Variants in DLG2 observed in about 807,000 individuals in gnomAD.
DLG2 encodes the protein disks large homolog 2.
In DLG2, 45 loss-of-function variants were observed where a neutral mutation model predicts 132.5. The observed-to-expected ratio is 0.34, with a 90% CI of 0.27 to 0.44. The LOEUF (loss-of-function observed/expected upper bound fraction) is 0.44, where lower values mean the gene tolerates loss of function less well. Among genes scored for constraint, DLG2 ranks in the 20% least tolerant of loss-of-function variants. DLG2 has a pLI of 1.00. For missense variants in DLG2, 1,045 were observed against 1,196.9 expected, an observed-to-expected ratio of 0.87 and a Z score of 1.87; for synonymous variants, 424 against 419.6, an observed-to-expected ratio of 1.01 and a Z score of -0.13.
intron 7 of DLG2, among the ~76,000 whole-genome samples, chr11:84,463,843 A>G (rs1481633156): frequency 6.6e-6 from 1 of 151,192 alleles, no homozygotes; most frequent in Non-Finnish European, 1.5e-5. Flanking sequence ...TAAGAGGCAT[A>G]CAATACCAGA....
At chr11:85,334,690 C>T (rs2082007037) in intron 3 of DLG2, among the ~76,000 whole-genome samples, 1 of 152,124 alleles carries the variant, frequency 6.6e-6, no homozygotes, top group African/African-American at 2.4e-5. Flanking sequence ...TACCCAATAA[C>T]AATTCTGGAG....
chr11:84,060,576 T>C (rs2096576336), intron 10 of DLG2, among the ~76,000 whole-genome samples: 1 of 151,744 alleles, frequency 6.6e-6, no homozygotes, highest in Non-Finnish European at 1.5e-5. Context: ...AAAGGAATAA[T>C]TTGACATTTC....
chr11:84,634,880 A>C (rs2099637977), intron 6 of DLG2, among the ~76,000 whole-genome samples: 1 of 152,224 alleles, frequency 6.6e-6, no homozygotes, highest in South Asian at 2.1e-4. Flanking sequence ...CTTTTAAAAA[A>C]GTAGCACTGG....
intron 6 of DLG2, among the ~76,000 whole-genome samples, chr11:84,797,518 T>C (rs754586510): frequency 6.6e-6 from 1 of 152,218 alleles, no homozygotes; most frequent in African/African-American, 2.4e-5. Flanking sequence ...GATGCTGTGA[T>C]GCATTCTTTA....
At chr11:85,516,833 C>A (rs1402650329) in intron 3 of DLG2, among the ~76,000 whole-genome samples, 2 of 151,938 alleles carry the variant, frequency 1.3e-5, no homozygotes, top group African/African-American at 4.8e-5. Context: ...CAGCTGAATT[C>A]CACCAAAAGT....
At chr11:83,530,006 C>T (rs755892184) in intron 21 of DLG2, among the ~76,000 whole-genome samples, 32 of 152,010 alleles carry the variant, frequency 2.1e-4, no homozygotes, top group South Asian at 4.1e-4. Context: ...ACTTTGTGTC[C>T]TTCTAAAGTT....
chr11:85,036,828 C>G (rs778425829), intron 6 of DLG2, among the ~76,000 whole-genome samples: 1 of 152,092 alleles, frequency 6.6e-6, no homozygotes, highest in Non-Finnish European at 1.5e-5. Flanking sequence ...GATCAGCAAT[C>G]TATTAAAAGG....
At chr11:83,594,101 G>A (rs1289117337) in intron 19 of DLG2, among the ~76,000 whole-genome samples, 1 of 152,216 alleles carries the variant, frequency 6.6e-6, no homozygotes, top group Non-Finnish European at 1.5e-5. Flanking sequence ...GCCAAATACT[G>A]ATCTGTTCCC....
chr11:84,961,098 C>T (rs1031183308), intron 6 of DLG2, among the ~76,000 whole-genome samples: 8 of 151,814 alleles, frequency 5.3e-5, no homozygotes, highest in South Asian at 2.1e-4. Flanking sequence ...AGTAGGCTCA[C>T]GCTCCATGCT....
At chr11:85,120,241 A>C (rs1363972248) in intron 5 of DLG2, among the ~76,000 whole-genome samples, 3 of 152,094 alleles carry the variant, frequency 2.0e-5, no homozygotes. Flanking sequence ...AATGTTAATC[A>C]ACAAGAAAAT....
intron 2 of DLG2, among the ~76,000 whole-genome samples, chr11:85,605,998 G>A (rs1177548712): frequency 6.6e-6 from 1 of 151,994 alleles, no homozygotes; most frequent in African/African-American, 2.4e-5. Flanking sequence ...AAAAAGAATG[G>A]TATCATAAGG....
At chr11:83,553,990 G>A (rs1454535004) in intron 19 of DLG2, among the ~76,000 whole-genome samples, 2 of 151,404 alleles carry the variant, frequency 1.3e-5, no homozygotes, top group African/African-American at 4.9e-5. Context: ...TGAACTCTGG[G>A]GCTCAAGGGA....
At chr11:83,757,744 C>A (rs1219688745) in intron 18 of DLG2, among the ~76,000 whole-genome samples, 1 of 152,166 alleles carries the variant, frequency 6.6e-6, no homozygotes, top group African/African-American at 2.4e-5. Context: ...CACACATATA[C>A]ACACTCATAC....
intron 3 of DLG2, among the ~76,000 whole-genome samples, chr11:85,476,484 T>A (rs1052137704): frequency 1.3e-5 from 2 of 152,258 alleles, no homozygotes; most frequent in Admixed American, 1.3e-4. Context: ...ACTTTACACA[T>A]CTTTTAATTT....
intron 6 of DLG2, among the ~76,000 whole-genome samples, chr11:85,014,482 C>G (rs2059405984): frequency 6.6e-6 from 1 of 152,146 alleles, no homozygotes; most frequent in Non-Finnish European, 1.5e-5. Context: ...TATAGCTTCA[C>G]CCCTTAATAT....
At chr11:83,646,657 G>T (rs2068281057) in intron 18 of DLG2, 1 of 152,136 alleles carries the variant, frequency 6.6e-6, no homozygotes, top group Non-Finnish European at 1.5e-5. Flanking sequence ...GATGGCTTAT[G>T]AAGGCAAATG....
intron 18 of DLG2, among the ~76,000 whole-genome samples, chr11:83,780,294 C>A (rs563493652): frequency 3.3e-4 from 50 of 152,252 alleles, no homozygotes; most frequent in South Asian, 2.3e-3. Context: ...TTCATTATAT[C>A]TTTGACCCCA....
chr11:83,461,050 C>T (rs2136005289), intron 27 of DLG2, among the ~76,000 whole-genome samples: 1 of 144,460 alleles, frequency 6.9e-6, no homozygotes, highest in South Asian at 2.2e-4. Flanking sequence ...CCCTTGTTGC[C>T]CAGGCTGGAG....
At chr11:84,632,994 T>C (rs996412708) in intron 6 of DLG2, among the ~76,000 whole-genome samples, 5 of 152,168 alleles carry the variant, frequency 3.3e-5, no homozygotes, top group Non-Finnish European at 4.4e-5. Flanking sequence ...CTTTCTTGAG[T>C]AAACTCCTCA....
Sources: allele counts gnomAD v4.1 joint callset (sites outside exome capture counted in the v4.1 genomes callset), GRCh38; gene constraint gnomAD v4.1.1; transcripts MANE v1.5; gene names NCBI Gene and HGNC (gene_info 2026-07-23, HGNC 2026-07-21).